SYNJ2: variants seen among roughly 807,000 people sequenced by gnomAD.
SYNJ2 encodes the protein polyphosphatidylinositol phosphatase SYNJ2.
Under a neutral mutation model 141.3 loss-of-function variants are expected in SYNJ2, and 116 were observed. That is an observed-to-expected ratio of 0.82 (90% CI 0.71 to 0.96). The LOEUF is 0.96. Among genes scored for constraint, SYNJ2 ranks in the 40% least tolerant of loss-of-function variants. SYNJ2 has a pLI of 0.00. For synonymous variants in SYNJ2, 745 were observed against 777.7 expected (o/e 0.96, Z 0.70); for missense variants, 1,873 against 1,934.8 (o/e 0.97, Z 0.60).
chr6:158,092,799 C>G (rs1783548654), intron 25 of SYNJ2, 127 bp from the exon 26 acceptor site: 1 of 915,090 alleles, frequency 1.1e-6, no homozygotes. Flanking sequence ...GGGACTGAAT[C>G]TAGCTGATTA....
chr6:158,087,404 T>C (rs968508315), intron 23 of SYNJ2, among the ~76,000 whole-genome samples: 1 of 152,138 alleles, frequency 6.6e-6, no homozygotes, highest in Non-Finnish European at 1.5e-5. Flanking sequence ...GGTGACCTGG[T>C]CACCCCTCTG....
intron 5 of SYNJ2, among the ~76,000 whole-genome samples, chr6:158,044,538 C>T (rs566991848): frequency 1.3e-5 from 2 of 152,320 alleles, no homozygotes; most frequent in East Asian, 3.9e-4. Context: ...TCCGGAGAAA[C>T]GCTCCTGAGG....
rs189659581 is a variant in SYNJ2, at chr6:158,088,831, T to G, written c.3456+59T>G. ...GTTTTGCCCCCGGGATAGTGTGGGA[T>G]CTCTCTTCTCAGTGAATATATAGAT... is the stretch of plus-strand genomic sequence containing the variant. On this transcript the variant is annotated intron_variant, in intron 24 of 26. Coordinates refer to ENST00000355585, the MANE Select transcript of SYNJ2 (RefSeq NM_003898.4). 1.7e-5 allele frequency: 21 copies of G among 1,205,948 alleles called. 1 individual carries two copies. In the African/African-American group the frequency reaches 2.6e-4, roughly 15 times the overall value. The allele number at this position is 1,205,948 out of a possible 1,614,324, so 74.7% of individuals were successfully genotyped here.
At position 157,986,839 on chromosome 6, in the gene SYNJ2, T is replaced by C. The variant is rs141727437; in HGVS notation, c.127+4751T>C. On this transcript the variant is annotated intron_variant, in intron 1 of 26. Coordinates refer to ENST00000355585, the MANE Select transcript of SYNJ2 (RefSeq NM_003898.4). The stretch of plus-strand genomic sequence containing the variant: ...CAATATATTGCCATTTTTATTTCAC[T>C]TGTCCCTGTATTTTTTATGAAAACG... 6.1e-3 allele frequency among the ~76,000 whole-genome samples: 931 copies of C among 152,370 alleles called. 5 individuals carry two copies. Among genetic ancestry groups the C allele is most frequent in the Non-Finnish European group, 9.2e-3 (623 of 68,030 alleles).
At chr6:158,056,794 T>G (rs1426122121) in intron 6 of SYNJ2, among the ~76,000 whole-genome samples, 2 of 152,228 alleles carry the variant, frequency 1.3e-5, no homozygotes, top group Admixed American at 6.5e-5. Flanking sequence ...CCGCAAAACC[T>G]TCACACAGAT....
rs549883537 is a variant in SYNJ2, at chr6:158,032,928, G to A, written c.486-527G>A. The stretch of plus-strand genomic sequence containing the variant: ...TTTAAAATTTATTTTGGATTGCTTT[G>A]TAGCGCTCTCGTCATAATCATCTCA... On this transcript the variant is annotated intron_variant, in intron 3 of 26. Transcript: ENST00000355585. Among the ~76,000 whole-genome samples the A allele has an allele frequency of 2.9e-3, 436 of 152,252 alleles. 2 individuals carry two copies. The highest frequency in any genetic ancestry group is 1.0e-2 in the African/African-American group (414 of 41,558).
intron 1 of SYNJ2, chr6:158,001,181 G>C (rs151271885): frequency 6.6e-6 from 1 of 152,224 alleles, no homozygotes; most frequent in Non-Finnish European, 1.5e-5. Context: ...GAATGTGGCC[G>C]GAGAAAAACA....
intron 4 of SYNJ2, among the ~76,000 whole-genome samples, chr6:158,036,260 G>T (rs765246375): frequency 6.6e-6 from 1 of 152,206 alleles, no homozygotes; most frequent in African/African-American, 2.4e-5. Context: ...AAAAAGGAAC[G>T]CTCATACGCT....
chr6:158,093,709 G>A (rs920750610), intron 26 of SYNJ2, among the ~76,000 whole-genome samples: 5 of 152,122 alleles, frequency 3.3e-5, no homozygotes, highest in African/African-American at 1.2e-4. Context: ...AACCATAGTG[G>A]GATGCTTTTC....
rs377290975 is a variant in SYNJ2, at chr6:158,064,977, G to C, written c.1511G>C (p.Ser504Thr). The change falls in exon 11 of 27, where the codon AGC (serine) becomes ACC (threonine). Residue 504 changes from serine to threonine, a missense_variant. Ser to Thr is a moderately conservative substitution (Grantham distance 58, BLOSUM62 1). Coordinates refer to ENST00000355585, the MANE Select transcript of SYNJ2 (RefSeq NM_003898.4). Reference protein sequence around the residue: ...VADKGGMLLDSTALLVTPRIL... With the variant: ...VADKGGMLLDTTALLVTPRIL... ...GACAAAGGGGGCATGCTGCTGGACAGCACGGCGCTCCTGGGTAGGGCCTGC... is the reference window on the plus strand; with the variant it reads ...GACAAAGGGGGCATGCTGCTGGACACCACGGCGCTCCTGGGTAGGGCCTGC... 1.3e-6 allele frequency: 2 copies of C among 1,585,578 alleles called. No individual in the cohort carries two copies. The highest frequency in any genetic ancestry group is 1.7e-6 in the Non-Finnish European group (2 of 1,164,908).
intron 1 of SYNJ2, among the ~76,000 whole-genome samples, chr6:157,988,188 A>C (rs772826700): frequency 6.6e-6 from 1 of 152,216 alleles, no homozygotes; most frequent in Non-Finnish European, 1.5e-5. Flanking sequence ...TGGCAAGGGC[A>C]TGTTACAGGT....
chr6:158,041,126 T>C (rs1422173642), intron 4 of SYNJ2, among the ~76,000 whole-genome samples: 1 of 152,148 alleles, frequency 6.6e-6, no homozygotes, highest in African/African-American at 2.4e-5. Flanking sequence ...CAAGGTGACA[T>C]GAACTTCATG....
Position 158,017,299 on chromosome 6 carries a change from C to G in SYNJ2, c.214+9C>G, listed in dbSNP as rs1448904667. On this transcript the variant is annotated intron_variant, in intron 2 of 26. Transcript: ENST00000355585. ...GCTGAGGCTGAAATCTGGTGAGTAG[C>G]CGCTCGCTGGAGGAGCAGGCGCCAG... 1 of 1,609,568 alleles carries G rather than the reference C, an allele frequency of 6.2e-7. No homozygotes were observed. The highest frequency in any genetic ancestry group is 1.1e-5 in the South Asian group (1 of 90,386).
intron 7 of SYNJ2, 31 bp downstream of exon 7, chr6:158,059,384 G>T: frequency 6.5e-7 from 1 of 1,547,466 alleles, no homozygotes; most frequent in South Asian, 1.2e-5. Flanking sequence ...CCACAGCTGG[G>T]CTGGGCGGCA....
chr6:158,025,614 T>C (rs9456984), intron 2 of SYNJ2, among the ~76,000 whole-genome samples: 3,126 of 151,582 alleles, frequency 0.021, 91 homozygotes, highest in African/African-American at 0.072. Flanking sequence ...GAGCTGAGAT[T>C]GCACCACTCC....
At chr6:158,031,626 T>C (rs1779368693) in intron 3 of SYNJ2, among the ~76,000 whole-genome samples, 1 of 144,232 alleles carries the variant, frequency 6.9e-6, no homozygotes, top group South Asian at 2.2e-4. Flanking sequence ...CAGCGTGAGG[T>C]CTGGAGACCC....
chr6:158,053,626 C>G (rs965090704), intron 5 of SYNJ2, among the ~76,000 whole-genome samples: 2 of 151,878 alleles, frequency 1.3e-5, no homozygotes, highest in African/African-American at 4.8e-5. Context: ...ATCTACCCAC[C>G]CATCCACCTA....
chr6:158,061,107 T>C (rs1198685389), intron 7 of SYNJ2, among the ~76,000 whole-genome samples: 1 of 152,234 alleles, frequency 6.6e-6, no homozygotes, highest in African/African-American at 2.4e-5. Flanking sequence ...CAGCACTGCA[T>C]TGATTTACAC....
intron 16 of SYNJ2, 28 bp from the exon 17 acceptor site, chr6:158,076,598 G>C: frequency 6.2e-7 from 1 of 1,603,580 alleles, no homozygotes; most frequent in Non-Finnish European, 8.5e-7. Flanking sequence ...AACTACGGTG[G>C]CCTGATGACT....
Sources: allele counts gnomAD v4.1 joint callset (sites outside exome capture counted in the v4.1 genomes callset), GRCh38; gene constraint gnomAD v4.1.1; transcripts MANE v1.5; gene names NCBI Gene and HGNC (gene_info 2026-07-23, HGNC 2026-07-21).